The following KANK4 variants were observed in gnomAD, a reference collection of about 807,000 sequenced individuals.
The protein encoded by KANK4 is KN motif and ankyrin repeat domains 4, also known as KN motif and ankyrin repeat domain-containing protein 4.
KANK4 carries 50 observed loss-of-function variants against 80.8 expected under a neutral mutation model. The observed-to-expected ratio is 0.62, with a 90% CI of 0.49 to 0.78. The LOEUF (loss-of-function observed/expected upper bound fraction) is 0.78, where lower values mean the gene tolerates loss of function less well. Among genes scored for constraint, KANK4 ranks in the 30% least tolerant of loss-of-function variants. KANK4 has a pLI of 0.00. For synonymous variants in KANK4, 465 were observed against 506.9 expected, an observed-to-expected ratio of 0.92 and a Z score of 1.11; for missense variants, 1,196 against 1,240.1, an observed-to-expected ratio of 0.96 and a Z score of 0.53.
chr1:62,238,258 GC>G lies in KANK4; in HGVS notation c.*18del, dbSNP rs759036725. On this transcript the variant is annotated 3_prime_UTR_variant, in exon 10 of 10. Coordinates refer to ENST00000371153, the MANE Select transcript of KANK4 (RefSeq NM_181712.5). ...GAGAAGAAGGCTTTTGTTCCCCACG[GC>G]CAGTTCTTCTGCAGCCCCTACAGCC... is the stretch of plus-strand genomic sequence containing the variant. The G allele has an allele frequency of 1.5e-5, 23 of 1,580,796 alleles. No homozygotes were observed. Among genetic ancestry groups the G allele is most frequent in the Non-Finnish European group, 2.0e-5 (23 of 1,150,298 alleles).
At chr1:62,264,863 G>A (rs1445916063) in intron 6 of KANK4, among the ~76,000 whole-genome samples, 1 of 152,156 alleles carries the variant, frequency 6.6e-6, no homozygotes, top group East Asian at 1.9e-4. Context: ...ACAGAGTCTC[G>A]CTCTGTGGCC....
intron 2 of KANK4, among the ~76,000 whole-genome samples, chr1:62,279,286 A>G (rs1672400194): frequency 6.6e-6 from 1 of 150,992 alleles, no homozygotes; most frequent in Non-Finnish European, 1.5e-5. Context: ...GCCATTCTGC[A>G]TTCCTTCTCT....
chr1:62,317,075 G>A (rs1557515497), intron 1 of KANK4, among the ~76,000 whole-genome samples: 1 of 152,210 alleles, frequency 6.6e-6, no homozygotes, highest in Non-Finnish European at 1.5e-5. Flanking sequence ...GGAACCACTT[G>A]AAGCATAATT....
intron 2 of KANK4, among the ~76,000 whole-genome samples, chr1:62,278,320 T>TCTTTCTTTCCTTCCTTC (rs1420040026): frequency 1.7e-5 from 1 of 60,530 alleles, no homozygotes; most frequent in African/African-American, 5.5e-5. Flanking sequence ...ACATTTTCTT[T>TCTTTCTTTCCTTCCTTC]CTTCCTTCCT....
Position 62,247,488 on chromosome 1 carries a change from C to T in KANK4, c.2867G>A (p.Ser956Asn). 1.2e-6 allele frequency: 2 copies of T among 1,613,914 alleles called. No individual in the cohort carries two copies. The highest frequency in any genetic ancestry group is 1.7e-6 in the Non-Finnish European group (2 of 1,180,008). Residue 956 changes from serine to asparagine, a missense_variant, in exon 9 of 10, where the codon AGC becomes AAC. Coordinates refer to ENST00000371153, the MANE Select transcript of KANK4 (RefSeq NM_181712.5). The part of the protein sequence containing the change: ...RLLLAHPACD[S>N]SLTDKAGRTA... ...AAGTCTCACCTTGTCAGTCAGGCTG[C>T]TGTCGCAGGCTGGGTGTGCCAGGAG...
At chr1:62,253,478 C>T (rs1426428631) in intron 7 of KANK4, among the ~76,000 whole-genome samples, 3 of 145,766 alleles carry the variant, frequency 2.1e-5, no homozygotes, top group African/African-American at 5.0e-5. Context: ...GACTCAATCC[C>T]GTCTCACTGC....
At position 62,303,596 on chromosome 1, in the gene KANK4, A is replaced by G. The variant is rs191258931; in HGVS notation, c.-71+15510T>C. Among the ~76,000 whole-genome samples the G allele has an allele frequency of 2.3e-3, 355 of 152,174 alleles. 2 individuals are homozygous for G. The highest frequency in any genetic ancestry group is 4.3e-3 in the Non-Finnish European group (290 of 67,982). ...GCCACCAACTACATGTTAGTGGCTAACTAACTACATGTTACTTAACTAACT... is the reference window on the plus strand; with the variant it reads ...GCCACCAACTACATGTTAGTGGCTAGCTAACTACATGTTACTTAACTAACT... On this transcript the variant is annotated intron_variant, in intron 1 of 9. Coordinates refer to ENST00000371153, the MANE Select transcript of KANK4 (RefSeq NM_181712.5).
Position 62,276,524 on chromosome 1 carries a change from C to T in KANK4, c.17-1437G>A, listed in dbSNP as rs893467643. Among the ~76,000 whole-genome samples the T allele has an allele frequency of 8.6e-5, 13 of 151,978 alleles. No homozygotes were observed. The East Asian group carries it at 2.1e-3, about 25-fold the overall frequency. On this transcript the variant is annotated intron_variant, in intron 2 of 9. Coordinates refer to ENST00000371153, the MANE Select transcript of KANK4 (RefSeq NM_181712.5). The stretch of plus-strand genomic sequence containing the variant: ...GGTGCGGTGGTTCATGCCTGTAATC[C>T]CAGCTCTTTGGGAGGCCGAGGCAGG...
chr1:62,312,407 C>G (rs1047607687), intron 1 of KANK4, among the ~76,000 whole-genome samples: 2 of 152,136 alleles, frequency 1.3e-5, no homozygotes, highest in Non-Finnish European at 2.9e-5. Context: ...TTTCCCCTAT[C>G]CAAGTTTACA....
At chr1:62,244,207 T>A (rs574865800) in intron 9 of KANK4, among the ~76,000 whole-genome samples, 70 of 152,046 alleles carry the variant, frequency 4.6e-4, no homozygotes, top group Non-Finnish European at 7.8e-4. Flanking sequence ...TTATTTTTTT[T>A]TTTTTTGAGA....
At chr1:62,280,941 TG>T (rs139904530) in intron 2 of KANK4, among the ~76,000 whole-genome samples, 2,869 of 152,310 alleles carry the variant, frequency 0.019, 89 homozygotes, top group African/African-American at 0.065. Context: ...ATGCAGAGAC[TG>T]GAACATTATC....
chr1:62,295,715 A>C (rs1644358158), intron 1 of KANK4, among the ~76,000 whole-genome samples: 1 of 152,192 alleles, frequency 6.6e-6, no homozygotes, highest in African/African-American at 2.4e-5. Context: ...TTCCTTTACA[A>C]ATCTCATGTA....
intron 2 of KANK4, among the ~76,000 whole-genome samples, chr1:62,281,197 C>G (rs1277253922): frequency 6.6e-6 from 1 of 152,194 alleles, no homozygotes; most frequent in Non-Finnish European, 1.5e-5. Context: ...AATGGCCCTG[C>G]TAACACACAG....
chr1:62,289,804 A>G (rs1252602382), intron 1 of KANK4, among the ~76,000 whole-genome samples: 4 of 152,172 alleles, frequency 2.6e-5, no homozygotes, highest in African/African-American at 9.7e-5. Flanking sequence ...ATGATCACCT[A>G]TTTTGTATAT....
Position 62,274,965 on chromosome 1 carries a change from C to T in KANK4, c.139G>A (p.Glu47Lys). 2 of 1,614,110 alleles carry T rather than the reference C, an allele frequency of 1.2e-6. No individual in the cohort carries two copies. Among genetic ancestry groups the T allele is most frequent in the Non-Finnish European group, 1.7e-6 (2 of 1,180,002 alleles). Reference protein sequence around the residue: ...LDFLKYVDDIEKGNTIKRIPI... With the variant: ...LDFLKYVDDIKKGNTIKRIPI... ...ATTCTTTTGATAGTGTTTCCCTTCTCGATGTCATCCACATACTTGAGGAAG... is the reference window on the plus strand; with the variant it reads ...ATTCTTTTGATAGTGTTTCCCTTCTTGATGTCATCCACATACTTGAGGAAG... The change falls in exon 3 of 10, where the codon GAG (glutamate) becomes AAG (lysine). Residue 47 changes from glutamate (E) to lysine (K), a missense_variant. Glu to Lys is a moderately conservative substitution (Grantham distance 56). This residue lies in a region of KANK4 where 6 missense variants were observed against 26.4 expected (regional missense o/e 0.23). Coordinates refer to ENST00000371153, the MANE Select transcript of KANK4 (RefSeq NM_181712.5).
intron 8 of KANK4, among the ~76,000 whole-genome samples, chr1:62,248,945 C>T (rs1487745412): frequency 2.7e-5 from 4 of 146,578 alleles, no homozygotes; most frequent in African/African-American, 5.0e-5. Context: ...GGCAGATCAC[C>T]TGAGGTCAGG....
chr1:62,273,602 A>G lies in KANK4; in HGVS notation c.1502T>C (p.Ile501Thr), dbSNP rs1259491777. ...VHSFLSTELR[I>T]EEAGTEQEGG... ...TTCCTGTTCAGTGCCTGCTTCTTCAATCCTGAGTTCAGTGGAGAGGAAGCT... is the reference window on the plus strand; with the variant it reads ...TTCCTGTTCAGTGCCTGCTTCTTCAGTCCTGAGTTCAGTGGAGAGGAAGCT... The change falls in exon 3 of 10, where the codon ATT (isoleucine) becomes ACT (threonine). Residue 501 changes from isoleucine (I) to threonine (T), a missense_variant. Physicochemically the swap from Ile to Thr is moderately conservative, Grantham distance 89 (BLOSUM62 -1). Coordinates refer to ENST00000371153, the MANE Select transcript of KANK4 (RefSeq NM_181712.5). The G allele has an allele frequency of 6.2e-7, 1 of 1,614,088 alleles. No individual in the cohort carries two copies. Among genetic ancestry groups the G allele is most frequent in the South Asian group, 1.1e-5 (1 of 91,084 alleles).
At chr1:62,243,119 T>C (rs1325442573) in intron 9 of KANK4, among the ~76,000 whole-genome samples, 2 of 152,146 alleles carry the variant, frequency 1.3e-5, no homozygotes. Flanking sequence ...CTCCAGTTTC[T>C]GCCATGATAG....
chr1:62,268,151 G>T, intron 5 of KANK4, 136 bp downstream of exon 5: 1 of 730,894 alleles, frequency 1.4e-6, no homozygotes, highest in South Asian at 1.6e-5. Flanking sequence ...CACAGTGTGG[G>T]CATGAAACAG....
Sources: allele counts gnomAD v4.1 joint callset (sites outside exome capture counted in the v4.1 genomes callset), GRCh38; gene constraint gnomAD v4.1.1; regional missense constraint gnomAD v4.1.1; transcripts MANE v1.5; gene names NCBI Gene and HGNC (gene_info 2026-07-23, HGNC 2026-07-21).